Variants in HMCN1 observed in about 807,000 individuals in gnomAD.
HMCN1 encodes the protein hemicentin-1.
In HMCN1, 321 loss-of-function variants were observed where a neutral mutation model predicts 625.9. The observed-to-expected ratio is 0.51, with a 90% confidence interval of 0.47 to 0.56. The LOEUF is 0.56. Among genes scored for constraint, HMCN1 ranks in the 20% least tolerant of loss-of-function variants. The pLI is 0.00. For missense variants in HMCN1, 6,588 were observed against 6,887.3 expected (o/e 0.96, Z 1.54); for synonymous variants, 2,425 against 2,417.6 (o/e 1.00, Z -0.09).
chr1:185,922,122 A>G (rs560595648), intron 6 of HMCN1, among the ~76,000 whole-genome samples: 8 of 152,286 alleles, frequency 5.3e-5, no homozygotes, highest in African/African-American at 1.9e-4. Context: ...ACTAGTGACT[A>G]AACCCTTACA....
At chr1:185,880,088 A>G (rs191143523) in intron 4 of HMCN1, among the ~76,000 whole-genome samples, 74 of 152,302 alleles carry the variant, frequency 4.9e-4, no homozygotes, top group Admixed American at 7.2e-4. Flanking sequence ...AGGATAATGA[A>G]TAACTTTCAT....
intron 18 of HMCN1, 111 bp from the exon 19 acceptor site, chr1:185,984,058 G>A (rs969069732): frequency 5.2e-6 from 4 of 766,638 alleles, no homozygotes; most frequent in Non-Finnish European, 8.6e-6. Flanking sequence ...AGAATATTTT[G>A]TTTATAGACT....
intron 16 of HMCN1, among the ~76,000 whole-genome samples, chr1:185,978,898 C>T (rs1651417436): frequency 6.6e-6 from 1 of 152,104 alleles, no homozygotes; most frequent in Non-Finnish European, 1.5e-5. Flanking sequence ...CCAGGCTGGT[C>T]TCGAATTCTT....
Position 185,815,487 on chromosome 1 carries a change from T to C in HMCN1, c.269-30539T>C, listed in dbSNP as rs138165126. 4.0e-3 allele frequency among the ~76,000 whole-genome samples: 596 copies of C among 150,352 alleles called. 54 individuals are homozygous for C. The highest frequency in any genetic ancestry group is 0.014 in the African/African-American group (559 of 39,718). On this transcript the variant is annotated intron_variant, in intron 1 of 106. Coordinates refer to ENST00000271588, the MANE Select transcript of HMCN1 (RefSeq NM_031935.3). Reference sequence around the variant, plus strand: ...CCTATAAATGTACTTAAACATAGGATGTACTCCAGGAAGATTTGTTGAATG... The same window carrying C: ...CCTATAAATGTACTTAAACATAGGACGTACTCCAGGAAGATTTGTTGAATG...
At chr1:186,112,068 A>G (rs995539206) in intron 71 of HMCN1, among the ~76,000 whole-genome samples, 1 of 152,240 alleles carries the variant, frequency 6.6e-6, no homozygotes. Context: ...TTATATATGT[A>G]GCTCTCCAAT....
In HMCN1 at chr1:186,190,876, T is replaced by A. The variant is rs1653689120; in HGVS notation, c.*998T>A. On this transcript the variant is annotated 3_prime_UTR_variant, in exon 107 of 107. Coordinates refer to ENST00000271588, the MANE Select transcript of HMCN1 (RefSeq NM_031935.3). The stretch of plus-strand genomic sequence containing the variant: ...TATATAATATCTTGATGGACTCTTT[T>A]ATAAAATTATTTTATAAAAAACAAT... 1 of 185,172 alleles carries A rather than the reference T, an allele frequency of 5.4e-6. No individual in the cohort carries two copies. Among genetic ancestry groups the A allele is most frequent in the Admixed American group, 6.2e-5 (1 of 16,056 alleles). 11.5% of individuals were successfully genotyped at this position (185,172 alleles called of 1,614,324 possible).
Position 185,996,382 on chromosome 1 carries a change from A to G in HMCN1, c.3779-1047A>G, listed in dbSNP as rs907480281. Reference sequence around the variant, plus strand: ...GATCAGTCATCAATCAGTGAAGGCCAGCTGGCTGCATTCCAGACTGAGGGC... The same window carrying G: ...GATCAGTCATCAATCAGTGAAGGCCGGCTGGCTGCATTCCAGACTGAGGGC... On this transcript the variant is annotated intron_variant, in intron 24 of 106. Coordinates refer to ENST00000271588, the MANE Select transcript of HMCN1 (RefSeq NM_031935.3). Among the ~76,000 whole-genome samples the G allele has an allele frequency of 4.7e-4, 71 of 152,170 alleles. 1 individual carries two copies. Among genetic ancestry groups the G allele is most frequent in the Non-Finnish European group, 1.0e-4 (7 of 68,024 alleles).
chr1:185,965,396 A>G (rs1296675869), intron 13 of HMCN1, among the ~76,000 whole-genome samples: 5 of 152,086 alleles, frequency 3.3e-5, no homozygotes, highest in Non-Finnish European at 5.9e-5. Flanking sequence ...TGTCAGTCTT[A>G]CCATTATCCC....
At chr1:185,885,283 C>A (rs989011930) in intron 4 of HMCN1, among the ~76,000 whole-genome samples, 1 of 151,548 alleles carries the variant, frequency 6.6e-6, no homozygotes, top group Admixed American at 6.6e-5. Flanking sequence ...CAAACTCATC[C>A]GAGGAAGTAC....
At chr1:186,062,705 G>A (rs1014426666) in intron 48 of HMCN1, 105 bp downstream of exon 48, 8 of 751,516 alleles carry the variant, frequency 1.1e-5, no homozygotes, top group African/African-American at 1.0e-4. Flanking sequence ...GGGTACAAGT[G>A]CGGTTTTGTT....
intron 38 of HMCN1, 104 bp downstream of exon 38, chr1:186,039,109 T>C: frequency 1.2e-6 from 1 of 836,462 alleles, no homozygotes; most frequent in African/African-American, 1.7e-5. Context: ...AATGTGTTAT[T>C]GTCATCTTTA....
At chr1:185,882,663 T>G (rs998318515) in intron 4 of HMCN1, among the ~76,000 whole-genome samples, 1 of 152,132 alleles carries the variant, frequency 6.6e-6, no homozygotes, top group African/African-American at 2.4e-5. Flanking sequence ...AAAATAATAC[T>G]TAGCTTTTAT....
intron 102 of HMCN1, among the ~76,000 whole-genome samples, chr1:186,173,649 A>AAAAAG (rs1263636421): frequency 5.3e-5 from 8 of 151,182 alleles, no homozygotes; most frequent in African/African-American, 1.5e-4. Flanking sequence ...TCAAAAAAAA[A>AAAAAG]AAAAAAGAAA....
chr1:185,752,615 T>G (rs536090094), intron 1 of HMCN1, among the ~76,000 whole-genome samples: 1 of 152,306 alleles, frequency 6.6e-6, no homozygotes, highest in South Asian at 2.1e-4. Context: ...AGGTCACTTC[T>G]CATATCTTCA....
intron 1 of HMCN1, among the ~76,000 whole-genome samples, chr1:185,826,859 A>G (rs1463480084): frequency 6.6e-6 from 1 of 152,184 alleles, no homozygotes; most frequent in Non-Finnish European, 1.5e-5. Flanking sequence ...TAGCTGGTAC[A>G]GAAAAAACTC....
At chr1:185,968,212 A>G (rs1034364395) in intron 14 of HMCN1, among the ~76,000 whole-genome samples, 18 of 152,090 alleles carry the variant, frequency 1.2e-4, no homozygotes, top group Non-Finnish European at 2.2e-4. Flanking sequence ...TCAAAAGTGA[A>G]TAATGGAGTT....
At position 186,190,703 on chromosome 1, in the gene HMCN1, A is replaced by G. The variant is rs628748; in HGVS notation, c.*825A>G. On this transcript the variant is annotated 3_prime_UTR_variant, in exon 107 of 107. Coordinates refer to ENST00000271588, the MANE Select transcript of HMCN1 (RefSeq NM_031935.3). ...ATTTTTAAAGATACCAGTGGGACAGATTTGGTTTTTTAAAAATCTCATGTG... is the reference window on the plus strand; with the variant it reads ...ATTTTTAAAGATACCAGTGGGACAGGTTTGGTTTTTTAAAAATCTCATGTG... 192,344 of 195,104 alleles carry G rather than the reference A, an allele frequency of 0.99. 94,813 individuals carry two copies. The highest frequency in any genetic ancestry group is 1 in the Middle Eastern group (568 of 568). 12.1% of individuals were successfully genotyped at this position (195,104 alleles called of 1,614,324 possible). A position where few individuals can be genotyped will look rare whatever the true frequency, so the allele number is the denominator to read the frequency against.
At chr1:185,876,084 T>TCCTCAGTGTCTATTATTCC (rs1663910553) in intron 4 of HMCN1, among the ~76,000 whole-genome samples, 2 of 152,062 alleles carry the variant, frequency 1.3e-5, no homozygotes, top group African/African-American at 4.8e-5. Flanking sequence ...CATTTTGTAG[T>TCCTCAGTGTCTATTATTCC]CCTCAGTGTC....
At position 186,094,315 on chromosome 1, in the gene HMCN1, T is replaced by C. The variant is rs771795069; in HGVS notation, c.10236T>C (p.Thr3412=). The C allele has an allele frequency of 2.8e-5, 45 of 1,613,328 alleles. No individual in the cohort carries two copies. The South Asian group carries it at 4.2e-4, about 15-fold the overall frequency. The part of the protein sequence containing the change: ...RAQVSDVAVY[T]CVASNRAGVD... ...AGGTGTCTGATGTCGCTGTGTATAC[T>C]TGTGTGGCCTCCAACAGAGCTGGGG... The change falls in exon 67 of 107, where the codon ACT becomes ACC. Residue 3412 remains threonine, a synonymous_variant. Transcript: ENST00000271588.
Sources: allele counts gnomAD v4.1 joint callset (sites outside exome capture counted in the v4.1 genomes callset), GRCh38; gene constraint gnomAD v4.1.1; transcripts MANE v1.5; gene names NCBI Gene and HGNC (gene_info 2026-07-23, HGNC 2026-07-21).